OR3A2: variants seen among roughly 807,000 people sequenced by gnomAD.
OR3A2 encodes olfactory receptor family 3 subfamily A member 2.
For missense variants in OR3A2, 318 were observed against 392.8 expected (o/e 0.81, Z 1.61); for synonymous variants, 126 against 159.3 (o/e 0.79, Z 1.57).
chr17:3,364,974 T>C (rs1463239528), intron 2 of OR3A2, among the ~76,000 whole-genome samples: 2 of 152,010 alleles, frequency 1.3e-5, no homozygotes, highest in Non-Finnish European at 2.9e-5. Context: ...TATAATTCCA[T>C]TATTACACAT....
At chr17:3,285,864 C>CT (rs752057706), upstream of OR3A2, among the ~76,000 whole-genome samples, 4 of 152,274 alleles carry the variant, frequency 2.6e-5, no homozygotes, top group African/African-American at 2.4e-5. Context: ...TGGTAACATG[C>CT]TAAGAACACA....
At chr17:3,321,064 G>A (rs983920415) in intron 3 of OR3A2, among the ~76,000 whole-genome samples, 1 of 152,102 alleles carries the variant, frequency 6.6e-6, no homozygotes, top group African/African-American at 2.4e-5. Context: ...TTGAGCAGTG[G>A]TTTGTAGTTC....
intron 3 of OR3A2, among the ~76,000 whole-genome samples, chr17:3,294,099 C>A (rs1160239163): frequency 6.6e-6 from 1 of 151,672 alleles, no homozygotes; most frequent in Non-Finnish European, 1.5e-5. Context: ...TGCACATGTA[C>A]CCCAGAACTT....
intron 2 of OR3A2, among the ~76,000 whole-genome samples, chr17:3,368,654 T>G (rs151132): frequency 0.65 from 99,487 of 152,048 alleles, 33,457 homozygotes; most frequent in East Asian, 0.99. Flanking sequence ...AGTATAGTTA[T>G]AAGTTGGGTA....
chr17:3,292,033 G>C (rs1567544221), intron 3 of OR3A2: 1 of 1,614,204 alleles, frequency 6.2e-7, no homozygotes, highest in Non-Finnish European at 8.5e-7. Context: ...AGCTGTGGGA[G>C]GTCACAGTAG....
chr17:3,309,781 A>G (rs1324461995), intron 3 of OR3A2, among the ~76,000 whole-genome samples: 1 of 151,934 alleles, frequency 6.6e-6, no homozygotes, highest in Non-Finnish European at 1.5e-5. Context: ...ATGGCCTCGC[A>G]TGTTAATCTT....
intron 1 of OR3A2, among the ~76,000 whole-genome samples, chr17:3,280,697 C>T (rs2048771839): frequency 2.0e-5 from 3 of 152,134 alleles, no homozygotes; most frequent in Admixed American, 2.0e-4. Flanking sequence ...AGACTGGAAT[C>T]AGAGGATGGG....
intron 3 of OR3A2, among the ~76,000 whole-genome samples, chr17:3,320,840 T>C (rs369998425): frequency 2.0e-5 from 3 of 150,192 alleles, no homozygotes; most frequent in Non-Finnish European, 3.0e-5. Context: ...TCTTTTGGCT[T>C]AGGATTGACT....
At chr17:3,342,128 G>A (rs1030121650) in intron 2 of OR3A2, among the ~76,000 whole-genome samples, 2 of 152,136 alleles carry the variant, frequency 1.3e-5, no homozygotes, top group African/African-American at 4.8e-5. Context: ...GTCATTTAAA[G>A]TCTTCTCTAC....
At chr17:3,305,657 T>G (rs998812669) in intron 3 of OR3A2, among the ~76,000 whole-genome samples, 1 of 152,242 alleles carries the variant, frequency 6.6e-6, no homozygotes, top group Non-Finnish European at 1.5e-5. Context: ...GGTAGCATAT[T>G]AGAAAATCAT....
At chr17:3,276,645 G>A (rs940805180), downstream of OR3A2, among the ~76,000 whole-genome samples, 2 of 152,172 alleles carry the variant, frequency 1.3e-5, no homozygotes, top group Non-Finnish European at 2.9e-5. Flanking sequence ...GGAGCTTTGA[G>A]AGAGCTAAGT....
chr17:3,329,810 T>C (rs1407656775), intron 3 of OR3A2, among the ~76,000 whole-genome samples: 2 of 110,144 alleles, frequency 1.8e-5, no homozygotes, highest in Non-Finnish European at 3.5e-5. Flanking sequence ...TGTTAGGGTG[T>C]CAATTTTGGA....
chr17:3,278,132 G>A (rs1259195976), exon 2 of OR3A2: 7 of 1,614,130 alleles, frequency 4.3e-6, no homozygotes, highest in Non-Finnish European at 5.9e-6. Context: ...CCAGTCTCAT[G>A]TAGTTGAAGA....
At chr17:3,383,029 T>C (rs769852374) in intron 2 of OR3A2, among the ~76,000 whole-genome samples, 3 of 152,098 alleles carry the variant, frequency 2.0e-5, no homozygotes, top group Non-Finnish European at 2.9e-5. Context: ...CCTGTTAACA[T>C]GGACAAAGCA....
At chr17:3,289,697 C>CT (rs1442942602) in intron 3 of OR3A2, among the ~76,000 whole-genome samples, 2 of 152,136 alleles carry the variant, frequency 1.3e-5, no homozygotes, top group African/African-American at 2.4e-5. Flanking sequence ...TAACCTAGTG[C>CT]TTTTGGTCAA....
chr17:3,302,508 G>A (rs529512968), intron 3 of OR3A2, among the ~76,000 whole-genome samples: 1 of 152,276 alleles, frequency 6.6e-6, no homozygotes, highest in East Asian at 1.9e-4. Flanking sequence ...ATGGTGCTGG[G>A]AAAACTGGCT....
intron 2 of OR3A2, among the ~76,000 whole-genome samples, chr17:3,345,823 T>C (rs2049359550): frequency 6.6e-6 from 1 of 152,100 alleles, no homozygotes; most frequent in Non-Finnish European, 1.5e-5. Flanking sequence ...TTTCCAAAAA[T>C]TGAATAAAGT....
At position 3,360,877 on chromosome 17, in the gene OR3A2, G is replaced by C. The variant is rs148312560; in HGVS notation, c.-179+22927C>G. The stretch of plus-strand genomic sequence containing the variant: ...GATGCCTCCAGCTTTGTTCTTTTGG[G>C]TTAGGATTAACTTGGCGATCTGGGC... On this transcript the variant is annotated intron_variant, in intron 2 of 4. Coordinates refer to the OR3A2 transcript ENST00000573491. Among the ~76,000 whole-genome samples the C allele has an allele frequency of 6.5e-4, 99 of 151,600 alleles. 4 individuals are homozygous for C. Among genetic ancestry groups the C allele is most frequent in the African/African-American group, 2.0e-3 (81 of 41,012 alleles).
intron 2 of OR3A2, among the ~76,000 whole-genome samples, chr17:3,346,646 GT>G (rs569909751): frequency 9.5e-4 from 137 of 144,892 alleles, no homozygotes; most frequent in East Asian, 5.8e-3. Flanking sequence ...TCTTTCCATG[GT>G]TTTTTTTTTT....
Sources: allele counts gnomAD v4.1 joint callset (sites outside exome capture counted in the v4.1 genomes callset), GRCh38; gene constraint gnomAD v4.1.1; transcripts MANE v1.5; gene names NCBI Gene and HGNC (gene_info 2026-07-23, HGNC 2026-07-21).